ABCG5: variants seen among roughly 807,000 people sequenced by gnomAD.
ABCG5 encodes the protein ATP-binding cassette sub-family G member 5.
In ABCG5, 64 loss-of-function variants were observed where a neutral mutation model predicts 64.5. The ratio of observed to expected loss-of-function variants is 0.99; its 90% CI spans 0.81 to 1.22. ABCG5 has a LOEUF of 1.22. Ranked by LOEUF, ABCG5 falls within the 50% of genes most tolerant of loss-of-function variation. The pLI, the probability that ABCG5 is intolerant of heterozygous loss-of-function variation, is 0.00. For synonymous variants in ABCG5, 385 were observed against 326.3 expected (o/e 1.18, Z -1.94); for missense variants, 908 against 829.5 (o/e 1.09, Z -1.16).
chr2:43,838,750 A>C lies in ABCG5; in HGVS notation c.-71T>G. 6.3e-7 allele frequency: 1 copy of C among 1,581,626 alleles called. No individual in the cohort carries two copies. Among genetic ancestry groups the C allele is most frequent in the Non-Finnish European group, 8.6e-7 (1 of 1,164,936 alleles). On this transcript the variant is annotated 5_prime_UTR_variant, in exon 1 of 13. Coordinates refer to ENST00000405322, the MANE Select transcript of ABCG5 (RefSeq NM_022436.3). This position sits in a 1 kb window ranked among gnomAD's most constrained non-coding sequence, Gnocchi z 4.2. The stretch of plus-strand genomic sequence containing the variant: ...CTCCCCAGAGTGGCTTCAGTTGGGG[A>C]GCCCGTGGCAGACTGCCCTGCCTGC...
At chr2:43,826,707 A>G (rs1216679607) in intron 5 of ABCG5, among the ~76,000 whole-genome samples, 186 bp from the exon 6 acceptor site, 1 of 152,202 alleles carries the variant, frequency 6.6e-6, no homozygotes. Context: ...GGAAGGGCCT[A>G]GTTCCCAGCT....
intron 4 of ABCG5, among the ~76,000 whole-genome samples, chr2:43,830,008 A>G (rs532538723): frequency 6.6e-6 from 1 of 152,362 alleles, no homozygotes; most frequent in Non-Finnish European, 1.5e-5. Context: ...CCATCAGGGT[A>G]GAAGGATCCT....
intron 5 of ABCG5, among the ~76,000 whole-genome samples, chr2:43,827,410 G>A (rs1667685704): frequency 6.6e-6 from 1 of 151,870 alleles, no homozygotes; most frequent in South Asian, 2.1e-4. Context: ...TTGAAGAACA[G>A]GCCGTCCTGG....
At chr2:43,822,518 C>T in intron 10 of ABCG5, 1 of 981,610 alleles carries the variant, frequency 1.0e-6, no homozygotes, top group African/African-American at 1.8e-5. Flanking sequence ...CTTCAGAGTC[C>T]TCTCTTCTCT....
downstream of ABCG5, among the ~76,000 whole-genome samples, chr2:43,807,589 A>C (rs191354866): frequency 6.6e-6 from 1 of 151,804 alleles, no homozygotes; most frequent in Non-Finnish European, 1.5e-5. Flanking sequence ...ACAGGCACAC[A>C]TCACCATGCC....
Position 43,838,564 on chromosome 2 carries a change from C to T in ABCG5, c.116G>A (p.Gly39Asp), listed in dbSNP as rs371929020. 89 of 1,607,556 alleles carry T rather than the reference C, an allele frequency of 5.5e-5. 1 individual carries two copies. The highest frequency in any genetic ancestry group is 7.2e-5 in the Non-Finnish European group (85 of 1,177,700). Residue 39 changes from glycine to aspartate, a missense_variant, in exon 1 of 13, where the codon GGC (glycine) becomes GAC (aspartate). Transcript: ENST00000405322. This position sits in a 1 kb window ranked among gnomAD's most constrained non-coding sequence, Gnocchi z 4.2. Reference protein sequence around the residue: ...PATAPEPHSLGILHASYSVSH... With the variant: ...PATAPEPHSLDILHASYSVSH... ...GACGCTGTAGGAGGCATGGAGGATG[C>T]CCAGGCTGTGAGGCTCCGGGGCGGT...
In ABCG5 at chr2:43,838,047, C is replaced by A; in HGVS notation, c.144-92G>T. On this transcript the variant is annotated intron_variant, in intron 1 of 12. Coordinates refer to ENST00000405322, the MANE Select transcript of ABCG5 (RefSeq NM_022436.3). The surrounding 1 kb of genome is among the most constrained non-coding windows in gnomAD (Gnocchi z 4.2). Reference sequence around the variant, plus strand: ...CAGCATTGATCCTACCTGTGCCCCACCCCAGTAGTCTCCGGACAGGCTCCT... The same window carrying A: ...CAGCATTGATCCTACCTGTGCCCCAACCCAGTAGTCTCCGGACAGGCTCCT... The A allele has an allele frequency of 1.3e-6, 2 of 1,556,212 alleles. No homozygotes were observed. Among genetic ancestry groups the A allele is most frequent in the Non-Finnish European group, 8.8e-7 (1 of 1,134,006 alleles).
chr2:43,831,914 CG>C (rs1230805396), intron 3 of ABCG5, 32 bp downstream of exon 3: 37 of 654,674 alleles, frequency 5.7e-5, no homozygotes, highest in Middle Eastern at 4.6e-4. Context: ...CCGGGGCGGG[CG>C]GGGGGGCCAG....
At chr2:43,824,192 C>A in intron 8 of ABCG5, 27 bp downstream of exon 8, 1 of 1,614,000 alleles carries the variant, frequency 6.2e-7, no homozygotes, top group Non-Finnish European at 8.5e-7. Flanking sequence ...CTCTAACAGG[C>A]ATTTCTCACA....
chr2:43,824,686 T>C, intron 7 of ABCG5: 2 of 970,022 alleles, frequency 2.1e-6, no homozygotes, highest in Non-Finnish European at 2.5e-6. Context: ...GTGCGCCAGT[T>C]TGTTTGAGAG....
At chr2:43,822,005 A>G (rs1294952327) in intron 10 of ABCG5, among the ~76,000 whole-genome samples, 1 of 152,044 alleles carries the variant, frequency 6.6e-6, no homozygotes, top group East Asian at 1.9e-4. Flanking sequence ...ACTTATCCAA[A>G]TTTTGGCTGC....
downstream of ABCG5, among the ~76,000 whole-genome samples, chr2:43,808,602 C>A (rs148557774): frequency 6.6e-6 from 1 of 152,116 alleles, no homozygotes. Context: ...AGGATAGCCA[C>A]CTCCACTAAA....
intron 11 of ABCG5, among the ~76,000 whole-genome samples, chr2:43,817,136 G>T (rs1414994784): frequency 6.6e-6 from 1 of 152,208 alleles, no homozygotes; most frequent in Non-Finnish European, 1.5e-5. Flanking sequence ...GGGTTGTTAA[G>T]ATTTTGCAAC....
At chr2:43,820,216 G>A (rs1667098546) in intron 10 of ABCG5, 116 bp from the exon 11 acceptor site, 1 of 1,244,450 alleles carries the variant, frequency 8.0e-7, no homozygotes, top group Non-Finnish European at 1.1e-6. Flanking sequence ...AGTTTGCAGG[G>A]CAAGCCACAC....
Position 43,826,420 on chromosome 2 carries a change from C to A in ABCG5, c.736G>T (p.Val246Phe). The change falls in exon 6 of 13, where the codon GTT (valine) becomes TTT (phenylalanine). Residue 246 changes from valine (V) to phenylalanine (F), a missense_variant. Physicochemically the swap from Val to Phe is conservative, Grantham distance 50. Coordinates refer to ENST00000405322, the MANE Select transcript of ABCG5 (RefSeq NM_022436.3). ...GAACGGGGCTGGTGAATGGTGAGAACCACAATTCGGTTCCTGCGAGCCAGT... is the reference window on the plus strand; with the variant it reads ...GAACGGGGCTGGTGAATGGTGAGAAACACAATTCGGTTCCTGCGAGCCAGT... ...VELARRNRIV[V>F]LTIHQPRSEL... The A allele has an allele frequency of 6.2e-7, 1 of 1,614,042 alleles. No homozygotes were observed. Among genetic ancestry groups the A allele is most frequent in the Non-Finnish European group, 8.5e-7 (1 of 1,180,018 alleles).
chr2:43,825,025 A>T lies in ABCG5; in HGVS notation c.775-7T>A, dbSNP rs201469377. 486 of 1,613,330 alleles carry T rather than the reference A, an allele frequency of 3.0e-4. No homozygotes were observed. The highest frequency in any genetic ancestry group is 3.9e-4 in the Non-Finnish European group (465 of 1,179,692). On this transcript the variant is annotated splice_polypyrimidine_tract_variant and splice_region_variant and intron_variant, in intron 6 of 12. Coordinates refer to ENST00000405322, the MANE Select transcript of ABCG5 (RefSeq NM_022436.3). ...TGGCAATTTTGTCAAAGAGCTGACC[A>T]GACAACAGACGTAGTTAGTGTGTGA...
downstream of ABCG5, among the ~76,000 whole-genome samples, chr2:43,812,215 T>C (rs1449635066): frequency 6.6e-6 from 1 of 152,076 alleles, no homozygotes; most frequent in Non-Finnish European, 1.5e-5. Context: ...CATGTCTAGC[T>C]ATGTCAGCAT....
rs1294959168 is a variant in ABCG5 at position 43,826,516 on chromosome 2, T to C, written c.640A>G (p.Met214Val). Residue 214 changes from methionine to valine, a missense_variant, in exon 6 of 13, where the codon ATG (methionine) becomes GTG (valine). Transcript: ENST00000405322. Reference sequence around the variant, plus strand: ...CCTGTGGTTGGCTCATCAAACAGCATGACCTCTGCCAGCAAAGAAGGGCCA... The same window carrying C: ...CCTGTGGTTGGCTCATCAAACAGCACGACCTCTGCCAGCAAAGAAGGGCCA... Reference protein sequence around the residue: ...AAQLLQDPKVMLFDEPTTGLD... With the variant: ...AAQLLQDPKVVLFDEPTTGLD... The C allele has an allele frequency of 6.2e-7, 1 of 1,614,206 alleles. No homozygotes were observed. Among genetic ancestry groups the C allele is most frequent in the East Asian group, 2.2e-5 (1 of 44,884 alleles).
rs1232276390 is a variant in ABCG5 at position 43,837,838 on chromosome 2, G to C, written c.261C>G (p.Ser87Arg). The change falls in exon 2 of 13, where the codon AGC becomes AGG. Residue 87 changes from serine to arginine, a missense_variant. By Grantham distance (110) the Ser-to-Arg change is moderately radical (BLOSUM62 -1). Transcript: ENST00000405322. ...ESGQIMCILG[S>R]SGSGKTTLLD... ...AATCCTCCTTCCCAAGCTTACCTGA[G>C]CTTCCTAGGATGCACATGATCTGCC... The C allele has an allele frequency of 6.2e-7, 1 of 1,613,808 alleles. No individual in the cohort carries two copies. Among genetic ancestry groups the C allele is most frequent in the Non-Finnish European group, 8.5e-7 (1 of 1,179,858 alleles).
Sources: gnomAD v4.1 joint callset for allele counts (sites outside exome capture counted in the v4.1 genomes callset) on GRCh38, gnomAD v4.1.1 for gene constraint, Gnocchi (gnomAD v3.1) non-coding constraint, MANE v1.5 for transcripts, NCBI Gene and HGNC (gene_info 2026-07-23, HGNC 2026-07-21) for gene names.